Variants in TAX1BP1 observed in about 807,000 individuals in gnomAD.
The protein encoded by TAX1BP1 is Tax1 binding protein 1, also known as tax1-binding protein 1.
A neutral mutation model predicts 97.7 loss-of-function variants in TAX1BP1; 62 were observed. The ratio of observed to expected loss-of-function variants is 0.63; its 90% CI spans 0.52 to 0.78. TAX1BP1 has a LOEUF of 0.78. TAX1BP1 is among the 30% of genes least tolerant of loss of function. The pLI, the probability that TAX1BP1 is intolerant of heterozygous loss-of-function variation, is 0.00. For synonymous variants in TAX1BP1, 340 were observed against 304.2 expected (o/e 1.12, Z -1.23); for missense variants, 867 against 916.1 (o/e 0.95, Z 0.69).
chr7:27,812,050 GT>G (rs1790579603), intron 13 of TAX1BP1, among the ~76,000 whole-genome samples: 1 of 152,202 alleles, frequency 6.6e-6, no homozygotes, highest in African/African-American at 2.4e-5. Context: ...GTAAGTGTAT[GT>G]TTTTAATGAA....
At chr7:27,822,205 G>T (rs1325007207) in intron 15 of TAX1BP1, among the ~76,000 whole-genome samples, 2 of 152,190 alleles carry the variant, frequency 1.3e-5, no homozygotes, top group African/African-American at 4.8e-5. Context: ...CTGTTCCCAA[G>T]CATTTTGGAT....
intron 12 of TAX1BP1, among the ~76,000 whole-genome samples, chr7:27,796,678 A>G (rs1789946139): frequency 6.6e-6 from 1 of 152,088 alleles, no homozygotes; most frequent in African/African-American, 2.4e-5. Flanking sequence ...TCTGGCCAAC[A>G]TGGTGAAACC....
intron 1 of TAX1BP1, among the ~76,000 whole-genome samples, chr7:27,747,831 TC>T (rs1787881497): frequency 6.6e-6 from 1 of 151,896 alleles, no homozygotes; most frequent in Non-Finnish European, 1.5e-5. Context: ...ATGCACACAC[TC>T]CCAGGCCCCA....
Position 27,816,438 on chromosome 7 carries a change from G to A in TAX1BP1, c.1854G>A (p.Glu618=). The A allele has an allele frequency of 1.3e-6, 2 of 1,571,636 alleles. No homozygotes were observed. The highest frequency in any genetic ancestry group is 4.1e-5 in the Admixed American group (2 of 48,204). Residue 618 remains glutamate, a synonymous_variant, in exon 14 of 17, where the codon GAG becomes GAA. Coordinates refer to ENST00000396319, the MANE Select transcript of TAX1BP1 (RefSeq NM_006024.7). ...QSPQCFKTCS[E]QNGYVLTLSN... Reference sequence around the variant, plus strand: ...CTCAATGTTTCAAAACATGCTCAGAGCAAAATGGTTATGTTCTCACATTGT... The same window carrying A: ...CTCAATGTTTCAAAACATGCTCAGAACAAAATGGTTATGTTCTCACATTGT...
intron 3 of TAX1BP1, among the ~76,000 whole-genome samples, chr7:27,760,645 CG>C (rs1562703676): frequency 6.6e-6 from 1 of 152,172 alleles, no homozygotes; most frequent in Non-Finnish European, 1.5e-5. Context: ...CCGCCCGCCT[CG>C]GCTTCCCAAA....
chr7:27,826,500 A>C (rs1252436896), intron 15 of TAX1BP1, among the ~76,000 whole-genome samples: 1 of 151,366 alleles, frequency 6.6e-6, no homozygotes, highest in Non-Finnish European at 1.5e-5. Context: ...TGGGGCAAGC[A>C]TGCCTACCCA....
At chr7:27,754,586 G>GT (rs1236014321) in intron 2 of TAX1BP1, among the ~76,000 whole-genome samples, 1 of 151,488 alleles carries the variant, frequency 6.6e-6, no homozygotes, top group East Asian at 1.9e-4. Context: ...TTTCGTTTTT[G>GT]TTTTTTGAGA....
At chr7:27,817,072 T>C in intron 15 of TAX1BP1, 34 bp downstream of exon 15, 1 of 1,583,382 alleles carries the variant, frequency 6.3e-7, no homozygotes, top group South Asian at 1.2e-5. Flanking sequence ...AGCCTGTCCC[T>C]TTTTTATTTT....
chr7:27,828,443 T>C (rs1782553080), intron 16 of TAX1BP1, among the ~76,000 whole-genome samples, 185 bp from the exon 17 acceptor site: 1 of 152,210 alleles, frequency 6.6e-6, no homozygotes, highest in African/African-American at 2.4e-5. Flanking sequence ...GCTCTATAAA[T>C]GGGTTACACA....
intron 4 of TAX1BP1, 78 bp from the exon 5 acceptor site, chr7:27,769,598 A>C: frequency 1.6e-6 from 2 of 1,222,440 alleles, no homozygotes. Context: ...TTTTTTTTGG[A>C]AATGGAAAAC....
At chr7:27,805,936 C>T (rs926849144) in intron 13 of TAX1BP1, among the ~76,000 whole-genome samples, 2 of 152,142 alleles carry the variant, frequency 1.3e-5, no homozygotes, top group Non-Finnish European at 2.9e-5. Flanking sequence ...TTGTGTTTGA[C>T]AAAAACCCTC....
chr7:27,758,174 C>A (rs1183748207), intron 3 of TAX1BP1, 41 bp downstream of exon 3: 3 of 1,441,340 alleles, frequency 2.1e-6, no homozygotes, highest in Non-Finnish European at 2.9e-6. Context: ...AACTAGATGT[C>A]TTATTGCCAT....
chr7:27,811,737 T>A (rs942748165), intron 13 of TAX1BP1, among the ~76,000 whole-genome samples: 3 of 152,160 alleles, frequency 2.0e-5, no homozygotes, highest in Non-Finnish European at 2.9e-5. Context: ...TGCACAAAGT[T>A]CCCTCTTGCT....
intron 13 of TAX1BP1, among the ~76,000 whole-genome samples, chr7:27,804,482 G>A (rs947799085): frequency 2.0e-5 from 3 of 152,132 alleles, no homozygotes; most frequent in African/African-American, 7.2e-5. Context: ...GTTCAATTCT[G>A]ATACTAACTA....
chr7:27,809,905 T>C (rs1363952003), intron 13 of TAX1BP1, among the ~76,000 whole-genome samples: 1 of 151,410 alleles, frequency 6.6e-6, no homozygotes, highest in Non-Finnish European at 1.5e-5. Flanking sequence ...TAACTTCTTT[T>C]GTGCCTTTTT....
intron 15 of TAX1BP1, 49 bp downstream of exon 15, chr7:27,817,087 C>A: frequency 6.3e-7 from 1 of 1,580,578 alleles, no homozygotes. Context: ...TATTTTTTAG[C>A]TTATGTAGAG....
At position 27,765,931 on chromosome 7, in the gene TAX1BP1, A is replaced by G; in HGVS notation, c.363A>G (p.Arg121=). ...GAGCAAGTACACCTTTCCAGTTTCG[A>G]GCTTCTTCTCCAGTTGAAGAGCTGC... The part of the protein sequence containing the change: ...IRGASTPFQF[R]ASSPVEELLT... The change falls in exon 4 of 17, where the codon CGA becomes CGG. Residue 121 remains arginine, a synonymous_variant. Coordinates refer to ENST00000396319, the MANE Select transcript of TAX1BP1 (RefSeq NM_006024.7). The G allele has an allele frequency of 6.2e-7, 1 of 1,614,158 alleles. No individual in the cohort carries two copies. Among genetic ancestry groups the G allele is most frequent in the Non-Finnish European group, 8.5e-7 (1 of 1,180,022 alleles).
chr7:27,784,588 C>G (rs952720641), intron 5 of TAX1BP1, among the ~76,000 whole-genome samples: 1 of 152,024 alleles, frequency 6.6e-6, no homozygotes, highest in South Asian at 2.1e-4. Context: ...CTTGATATGT[C>G]GTGACTAATT....
chr7:27,801,078 CG>C (rs1322078659), intron 13 of TAX1BP1, among the ~76,000 whole-genome samples: 1 of 133,842 alleles, frequency 7.5e-6, no homozygotes, highest in Non-Finnish European at 1.5e-5. Flanking sequence ...CACTCCAGCC[CG>C]GGTGACAGTG....
Sources: gnomAD v4.1 joint callset for allele counts (sites outside exome capture counted in the v4.1 genomes callset) on GRCh38, gnomAD v4.1.1 for gene constraint, MANE v1.5 for transcripts, NCBI Gene and HGNC (gene_info 2026-07-23, HGNC 2026-07-21) for gene names.